Variants in VAMP7 observed in about 807,000 individuals in gnomAD.
VAMP7 encodes vesicle-associated membrane protein 7.
Under a neutral mutation model 29.6 loss-of-function variants are expected in VAMP7, and 14 were observed. That is an observed-to-expected ratio of 0.47 (90% CI 0.31 to 0.74). The LOEUF (loss-of-function observed/expected upper bound fraction) is 0.74, where lower values mean the gene tolerates loss of function less well. VAMP7 is among the 30% of genes least tolerant of loss of function. VAMP7 has a pLI of 0.05. For synonymous variants in VAMP7, 95 were observed against 88.1 expected (o/e 1.08, Z -0.44); for missense variants, 223 against 262.4 (o/e 0.85, Z 1.04).
At chrX:155,941,291 C>A (rs2066739423) in intron 7 of VAMP7, among the ~76,000 whole-genome samples, 1 of 151,960 alleles carries the variant, frequency 6.6e-6, no homozygotes, top group African/African-American at 2.4e-5. Flanking sequence ...AATTAAAAAG[C>A]AAACACATCT....
intron 5 of VAMP7, among the ~76,000 whole-genome samples, chrX:155,905,440 C>A (rs2066133936): frequency 6.6e-6 from 1 of 151,704 alleles, no homozygotes; most frequent in Admixed American, 6.6e-5. Context: ...TTATTTTTTT[C>A]TTTAGTTTGT....
chrX:155,898,296 T>C (rs2066014320), intron 4 of VAMP7, 47 bp downstream of exon 4: 2 of 1,604,332 alleles, frequency 1.2e-6, no homozygotes, highest in Admixed American at 1.7e-5. Flanking sequence ...ATCTTCTTCA[T>C]TACCTTCAAA....
At chrX:155,884,546 C>G (rs1383371007) in intron 1 of VAMP7, among the ~76,000 whole-genome samples, 2 of 152,206 alleles carry the variant, frequency 1.3e-5, no homozygotes, top group Non-Finnish European at 2.9e-5. Context: ...TGAGTCATGA[C>G]TGTCGTGAAT....
intron 5 of VAMP7, among the ~76,000 whole-genome samples, chrX:155,902,382 C>T (rs1418338817): frequency 6.6e-6 from 1 of 150,580 alleles, no homozygotes; most frequent in South Asian, 2.1e-4. Context: ...CCTGATTGCC[C>T]TGGCCAGAAC....
intron 6 of VAMP7, among the ~76,000 whole-genome samples, chrX:155,929,816 C>A (rs5983831): frequency 0.031 from 4,669 of 152,192 alleles, 258 homozygotes; most frequent in African/African-American, 0.11. Flanking sequence ...GGAGCCATGG[C>A]ATGAACAACT....
intron 5 of VAMP7, among the ~76,000 whole-genome samples, chrX:155,909,802 G>A (rs1361431573): frequency 2.0e-5 from 3 of 152,118 alleles, no homozygotes; most frequent in African/African-American, 7.2e-5. Context: ...TAGCTGTCTA[G>A]TGTCTTTTAT....
chrX:155,885,805 G>A (rs925963334), intron 1 of VAMP7, among the ~76,000 whole-genome samples: 25 of 152,154 alleles, frequency 1.6e-4, no homozygotes, highest in African/African-American at 5.8e-4. Flanking sequence ...AAAGAGATAA[G>A]GAAAGATTCT....
chrX:155,885,148 C>T (rs774521774), intron 1 of VAMP7, among the ~76,000 whole-genome samples: 13 of 152,260 alleles, frequency 8.5e-5, no homozygotes, highest in African/African-American at 2.6e-4. Flanking sequence ...CATTTGAATT[C>T]CCTTATAGCA....
At chrX:155,916,386 G>C (rs895699772) in intron 5 of VAMP7, among the ~76,000 whole-genome samples, 2 of 152,144 alleles carry the variant, frequency 1.3e-5, no homozygotes, top group Non-Finnish European at 2.9e-5. Flanking sequence ...GTGTGAATTT[G>C]ATCCTGTGAT....
chrX:155,905,260 A>G (rs1269198292), intron 5 of VAMP7, among the ~76,000 whole-genome samples: 1 of 151,864 alleles, frequency 6.6e-6, no homozygotes, highest in East Asian at 1.9e-4. Flanking sequence ...ATTGTTTTTA[A>G]GTGGGTTATT....
At chrX:155,925,943 C>T (rs2066461034) in intron 6 of VAMP7, among the ~76,000 whole-genome samples, 1 of 152,118 alleles carries the variant, frequency 6.6e-6, no homozygotes, top group African/African-American at 2.4e-5. Context: ...TCTTGAGTGA[C>T]TAGGTTCATT....
At chrX:155,938,630 G>C (rs2066697943) in intron 6 of VAMP7, among the ~76,000 whole-genome samples, 1 of 152,096 alleles carries the variant, frequency 6.6e-6, no homozygotes, top group African/African-American at 2.4e-5. Flanking sequence ...GGTGGCCACT[G>C]TCCTGATTTC....
At chrX:155,904,743 C>T (rs189524804) in intron 5 of VAMP7, among the ~76,000 whole-genome samples, 53 of 151,988 alleles carry the variant, frequency 3.5e-4, no homozygotes, top group African/African-American at 9.4e-4. Flanking sequence ...TCATTCATGT[C>T]GTAGCATAAA....
At chrX:155,892,488 T>C (rs1262121345) in intron 2 of VAMP7, among the ~76,000 whole-genome samples, 1 of 152,174 alleles carries the variant, frequency 6.6e-6, no homozygotes, top group African/African-American at 2.4e-5. Context: ...CCAGCCATAC[T>C]TCATACTTAG....
intron 6 of VAMP7, among the ~76,000 whole-genome samples, chrX:155,929,895 C>T (rs1396860046): frequency 1.3e-5 from 2 of 152,124 alleles, no homozygotes; most frequent in East Asian, 3.9e-4. Context: ...CCCAAACCAC[C>T]CTCAGATTTG....
At chrX:155,932,166 G>T (rs2066569244) in intron 6 of VAMP7, among the ~76,000 whole-genome samples, 1 of 152,104 alleles carries the variant, frequency 6.6e-6, no homozygotes, top group South Asian at 2.1e-4. Flanking sequence ...TGTTCTTTTG[G>T]CTTAGGATTG....
At chrX:155,931,371 T>A (rs1167777906) in intron 6 of VAMP7, among the ~76,000 whole-genome samples, 3 of 151,822 alleles carry the variant, frequency 2.0e-5, no homozygotes, top group Non-Finnish European at 4.4e-5. Context: ...CTCCAGCACC[T>A]GTTGTTTCCT....
At chrX:155,902,177 A>G (rs1258677611) in intron 5 of VAMP7, among the ~76,000 whole-genome samples, 3 of 151,476 alleles carry the variant, frequency 2.0e-5, no homozygotes, top group Non-Finnish European at 4.4e-5. Context: ...TCTGTCCGTT[A>G]TTGGTGTATA....
chrX:155,919,861 C>T lies in VAMP7; in HGVS notation c.482C>T (p.Thr161Ile). ...AGATTGGAATTATTGATTGACAAAA[C>T]AGAAAATCTTGTGGATTCTGTAAGT... ...GERLELLIDK[T>I]ENLVDSSVTF... The change falls in exon 6 of 8, where the codon ACA becomes ATA. Residue 161 changes from threonine (T) to isoleucine (I), a missense_variant. Thr to Ile is a moderately conservative substitution (Grantham distance 89). Coordinates refer to ENST00000286448, the MANE Select transcript of VAMP7 (RefSeq NM_005638.6). The T allele has an allele frequency of 1.9e-6, 3 of 1,612,996 alleles. No homozygotes were observed. Among genetic ancestry groups the T allele is most frequent in the Non-Finnish European group, 2.5e-6 (3 of 1,179,410 alleles).
Sources: allele counts gnomAD v4.1 joint callset (sites outside exome capture counted in the v4.1 genomes callset), GRCh38; gene constraint gnomAD v4.1.1; transcripts MANE v1.5; gene names NCBI Gene and HGNC (gene_info 2026-07-23, HGNC 2026-07-21).